RBMS3: variants seen among roughly 807,000 people sequenced by gnomAD.
RBMS3 encodes RNA-binding motif, single-stranded-interacting protein 3.
Under a neutral mutation model 66.8 loss-of-function variants are expected in RBMS3, and 27 were observed. The observed-to-expected ratio is 0.40, with a 90% confidence interval of 0.30 to 0.56. The LOEUF (loss-of-function observed/expected upper bound fraction) is 0.56, where lower values mean the gene tolerates loss of function less well. Among genes scored for constraint, RBMS3 ranks in the 20% least tolerant of loss-of-function variants. The pLI is 0.40. For missense variants in RBMS3, 513 were observed against 549.5 expected, an observed-to-expected ratio of 0.93 and a Z score of 0.66; for synonymous variants, 188 against 183.0, an observed-to-expected ratio of 1.03 and a Z score of -0.22.
At chr3:29,848,829 G>T (rs963083435) in intron 6 of RBMS3, among the ~76,000 whole-genome samples, 3 of 152,034 alleles carry the variant, frequency 2.0e-5, no homozygotes, top group African/African-American at 4.8e-5. Context: ...TTATTAATAA[G>T]TTAGGCTCAA....
chr3:29,834,718 A>G (rs1306828305), intron 6 of RBMS3, among the ~76,000 whole-genome samples: 1 of 152,110 alleles, frequency 6.6e-6, no homozygotes, highest in African/African-American at 2.4e-5. Context: ...GAAAGAAGAA[A>G]GAATCAAAGG....
At chr3:29,573,831 T>C (rs758159420) in intron 3 of RBMS3, among the ~76,000 whole-genome samples, 1 of 152,218 alleles carries the variant, frequency 6.6e-6, no homozygotes, top group Non-Finnish European at 1.5e-5. Context: ...CACTGGTTAT[T>C]CAGGAGCATA....
chr3:29,743,203 T>G (rs146304978), intron 5 of RBMS3, among the ~76,000 whole-genome samples: 3,462 of 152,300 alleles, frequency 0.023, 55 homozygotes, highest in Non-Finnish European at 0.032. Context: ...ATTATGGCTT[T>G]TGCCTTAACT....
intron 12 of RBMS3, 88 bp from the exon 13 acceptor site, chr3:29,988,055 T>A (rs1303515012): frequency 9.3e-7 from 1 of 1,073,868 alleles, no homozygotes; most frequent in Admixed American, 1.9e-5. Flanking sequence ...ATGGGCCCCA[T>A]AGCTAAAGCA....
At chr3:29,701,223 G>A (rs2052557183) in intron 4 of RBMS3, among the ~76,000 whole-genome samples, 2 of 151,948 alleles carry the variant, frequency 1.3e-5, no homozygotes, top group South Asian at 4.1e-4. Context: ...GTTGCAGTGA[G>A]CTGAGATCGC....
chr3:29,912,746 C>A (rs1241032648), intron 10 of RBMS3, among the ~76,000 whole-genome samples: 2 of 151,976 alleles, frequency 1.3e-5, no homozygotes, highest in Non-Finnish European at 2.9e-5. Context: ...TATAACCTAT[C>A]TTGATATAAG....
intron 4 of RBMS3, among the ~76,000 whole-genome samples, chr3:29,604,250 G>A (rs1380961660): frequency 6.6e-6 from 1 of 151,860 alleles, no homozygotes; most frequent in Non-Finnish European, 1.5e-5. Context: ...AATTGTGAGT[G>A]TATAATATTT....
chr3:29,989,659 G>A (rs946955268), intron 13 of RBMS3, among the ~76,000 whole-genome samples: 1 of 152,166 alleles, frequency 6.6e-6, no homozygotes, highest in Admixed American at 6.5e-5. Context: ...GTTTAACAGG[G>A]CACTGATGGA....
intron 2 of RBMS3, among the ~76,000 whole-genome samples, chr3:29,439,231 T>C (rs990260697): frequency 2.0e-5 from 3 of 152,158 alleles, no homozygotes; most frequent in African/African-American, 4.8e-5. Context: ...TTGATTTATC[T>C]TAAGAACAAT....
chr3:29,709,156 G>C (rs1244095357), intron 4 of RBMS3, among the ~76,000 whole-genome samples: 1 of 152,046 alleles, frequency 6.6e-6, no homozygotes, highest in African/African-American at 2.4e-5. Context: ...TAATACACAT[G>C]ACTCCCTCTA....
chr3:29,582,181 G>A (rs1390737817), intron 3 of RBMS3, among the ~76,000 whole-genome samples: 1 of 149,934 alleles, frequency 6.7e-6, no homozygotes, highest in African/African-American at 2.4e-5. Flanking sequence ...TAGATAGATA[G>A]ATAGATAGAT....
chr3:29,477,612 A>C (rs1559394577), intron 2 of RBMS3, among the ~76,000 whole-genome samples: 1 of 152,276 alleles, frequency 6.6e-6, no homozygotes, highest in South Asian at 2.1e-4. Flanking sequence ...TCCAATTGCC[A>C]TCTCTAATAA....
At chr3:29,312,164 T>C (rs1451649587) in intron 1 of RBMS3, among the ~76,000 whole-genome samples, 1 of 151,786 alleles carries the variant, frequency 6.6e-6, no homozygotes, top group Non-Finnish European at 1.5e-5. Context: ...TTTGTGAACA[T>C]ATAGTCTTGT....
intron 1 of RBMS3, among the ~76,000 whole-genome samples, chr3:29,303,365 T>C (rs2033803221): frequency 6.6e-6 from 1 of 152,048 alleles, no homozygotes; most frequent in Admixed American, 6.6e-5. Flanking sequence ...TTCTCTTTTG[T>C]ATTATCTTAG....
intron 1 of RBMS3, among the ~76,000 whole-genome samples, chr3:29,398,493 C>A (rs1239799055): frequency 3.9e-5 from 6 of 152,148 alleles, no homozygotes; most frequent in Non-Finnish European, 7.4e-5. Context: ...ATAAAATAAT[C>A]TTTTAACTGA....
intron 1 of RBMS3, among the ~76,000 whole-genome samples, chr3:29,387,530 A>G (rs1032625429): frequency 6.6e-6 from 1 of 152,152 alleles, no homozygotes; most frequent in Non-Finnish European, 1.5e-5. Context: ...ATGGCAATAC[A>G]TTTTTAACAG....
chr3:29,445,012 C>T lies in RBMS3; in HGVS notation c.248+10097C>T, dbSNP rs183115074. 1.4e-3 allele frequency among the ~76,000 whole-genome samples: 218 copies of T among 151,254 alleles called. 1 individual carries two copies. Among genetic ancestry groups the T allele is most frequent in the Admixed American group, 0.013 (192 of 15,160 alleles). The stretch of plus-strand genomic sequence containing the variant: ...TACCAATCTGTACTGTATCCTTAAC[C>T]GAAAACTTTTGAGGACAATAGATTT... On this transcript the variant is annotated intron_variant, in intron 2 of 14. Transcript: ENST00000383767.
At chr3:29,924,898 T>C (rs1383169804) in intron 10 of RBMS3, 4 of 151,846 alleles carry the variant, frequency 2.6e-5, no homozygotes, top group Non-Finnish European at 5.9e-5. Context: ...ATTTGTGATG[T>C]TCTGACAAGA....
chr3:29,320,672 C>G (rs1410658948), intron 1 of RBMS3, among the ~76,000 whole-genome samples: 3 of 151,968 alleles, frequency 2.0e-5, no homozygotes, highest in Non-Finnish European at 4.4e-5. Context: ...AAACTCATAA[C>G]TTTGCTATTC....
Sources: gnomAD v4.1 joint callset for allele counts (sites outside exome capture counted in the v4.1 genomes callset) on GRCh38, gnomAD v4.1.1 for gene constraint, MANE v1.5 for transcripts, NCBI Gene and HGNC (gene_info 2026-07-23, HGNC 2026-07-21) for gene names.